SNRNP48: variants seen among roughly 807,000 people sequenced by gnomAD.
SNRNP48 encodes U11/U12 small nuclear ribonucleoprotein 48 kDa protein.
In SNRNP48, 43 loss-of-function variants were observed where a neutral mutation model predicts 47.0. The ratio of observed to expected loss-of-function variants is 0.92; its 90% confidence interval spans 0.72 to 1.18. SNRNP48 has a LOEUF of 1.18. Among genes scored for constraint, SNRNP48 ranks in the 50% most tolerant of loss-of-function variants. The pLI is 0.00. For missense variants in SNRNP48, 396 were observed against 422.2 expected (o/e 0.94, Z 0.54); for synonymous variants, 138 against 144.0 (o/e 0.96, Z 0.30).
intron 4 of SNRNP48, among the ~76,000 whole-genome samples, chr6:7,597,050 A>T (rs1033879578): frequency 1.3e-5 from 2 of 152,184 alleles, no homozygotes; most frequent in Admixed American, 1.3e-4. Context: ...TTTATTTTTT[A>T]AAAGGTTATT....
chr6:7,601,586 T>C, intron 5 of SNRNP48, 62 bp downstream of exon 5: 1 of 1,393,944 alleles, frequency 7.2e-7, no homozygotes, highest in Non-Finnish European at 9.4e-7. Flanking sequence ...TGAGTGTTAT[T>C]AAGATGATTT....
Position 7,595,120 on chromosome 6 carries a change from T to C in SNRNP48, c.406+19T>C. The C allele has an allele frequency of 6.5e-7, 1 of 1,533,636 alleles. No homozygotes were observed. The highest frequency in any genetic ancestry group is 1.2e-5 in the South Asian group (1 of 80,700). On this transcript the variant is annotated intron_variant, in intron 4 of 8. Transcript: ENST00000342415. The stretch of plus-strand genomic sequence containing the variant: ...AATCAAAGTAAGTGGCATTACAGTT[T>C]AAGTGAATTAAAGAATGAAATTATT...
Position 7,590,429 on chromosome 6 carries a change from G to C in SNRNP48, c.156+16G>C. 7.8e-7 allele frequency: 1 copy of C among 1,282,524 alleles called. No homozygotes were observed. 79.4% of individuals were successfully genotyped at this position (1,282,524 alleles called of 1,614,324 possible). A position where few individuals can be genotyped will look rare whatever the true frequency, so the allele number is the denominator to read the frequency against. On this transcript the variant is annotated intron_variant, in intron 1 of 8. Transcript: ENST00000342415. ...GGCGGCGGAGGTGAGGAGCGCGGCC[G>C]CGGGGCCCTTTCGGGGACTATCGGC...
At chr6:7,604,209 G>A (rs1209573704) in intron 6 of SNRNP48, among the ~76,000 whole-genome samples, 5 of 152,212 alleles carry the variant, frequency 3.3e-5, no homozygotes, top group African/African-American at 9.6e-5. Flanking sequence ...AGGGAAGTGC[G>A]AGAGCTGGAA....
intron 5 of SNRNP48, 21 bp from the exon 6 acceptor site, chr6:7,602,602 T>A: frequency 6.5e-7 from 1 of 1,545,316 alleles, no homozygotes; most frequent in South Asian, 1.2e-5. Context: ...ATATAATACT[T>A]TTATTTTATT....
chr6:7,602,051 G>T (rs1203773151), intron 5 of SNRNP48, among the ~76,000 whole-genome samples: 1 of 151,984 alleles, frequency 6.6e-6, no homozygotes, highest in Admixed American at 6.6e-5. Flanking sequence ...ATGGGGTTTT[G>T]CTACGCTGGC....
chr6:7,595,564 A>G (rs1164345418), intron 4 of SNRNP48, among the ~76,000 whole-genome samples: 2 of 152,182 alleles, frequency 1.3e-5, no homozygotes, highest in African/African-American at 4.8e-5. Flanking sequence ...TCAGTTTATG[A>G]TGGGTTTATC....
chr6:7,602,972 T>C (rs1317663817), intron 6 of SNRNP48, among the ~76,000 whole-genome samples: 35 of 152,214 alleles, frequency 2.3e-4, no homozygotes, highest in Admixed American at 2.3e-3. Flanking sequence ...AGATATCTCC[T>C]TGTGAGAAAG....
At chr6:7,590,456 CG>C (rs1561709630) in intron 1 of SNRNP48, 43 bp downstream of exon 1, 3 of 1,267,886 alleles carry the variant, frequency 2.4e-6, no homozygotes, top group Non-Finnish European at 3.0e-6. Context: ...ACTATCGGCC[CG>C]GGGTCTTCTC....
chr6:7,591,392 G>C (rs1362426324), intron 1 of SNRNP48, among the ~76,000 whole-genome samples: 1 of 151,936 alleles, frequency 6.6e-6, no homozygotes, highest in Non-Finnish European at 1.5e-5. Flanking sequence ...TCCAATGTGG[G>C]GTAATTCATT....
Position 7,609,033 on chromosome 6 carries a change from T to TA in SNRNP48, c.*161dup, listed in dbSNP as rs1483833381. 2.7e-6 allele frequency: 1 copy of TA among 368,888 alleles called. No homozygotes were observed. Among genetic ancestry groups the TA allele is most frequent in the Non-Finnish European group, 5.0e-6 (1 of 200,522 alleles). The allele number at this position is 368,888 out of a possible 1,614,324, so 22.9% of individuals were successfully genotyped here. On this transcript the variant is annotated 3_prime_UTR_variant, in exon 9 of 9. Transcript: ENST00000342415. ...TTAGTGCTTATTATTTTCCAGTAAA[T>TA]ATGCTTCAAACCATGAGTACACTAT...
Position 7,609,514 on chromosome 6 carries a change from A to G in SNRNP48, c.*641A>G, listed in dbSNP as rs2113725994. The G allele has an allele frequency of 6.6e-6, 1 of 152,338 alleles. No homozygotes were observed. Among genetic ancestry groups the G allele is most frequent in the African/African-American group, 2.4e-5 (1 of 41,588 alleles). 9.4% of individuals were successfully genotyped at this position (152,338 alleles called of 1,614,324 possible). On this transcript the variant is annotated 3_prime_UTR_variant, in exon 9 of 9. Coordinates refer to ENST00000342415, the MANE Select transcript of SNRNP48 (RefSeq NM_152551.4). ...ACAAATTATATATATGTACAAAACA[A>G]TACTATGCATTCTCTATGGCTATAT... is the stretch of plus-strand genomic sequence containing the variant.
chr6:7,604,516 G>A (rs1338743157), intron 6 of SNRNP48, among the ~76,000 whole-genome samples: 3 of 152,176 alleles, frequency 2.0e-5, no homozygotes, highest in South Asian at 2.1e-4. Flanking sequence ...GATATTGTTC[G>A]ATTTTACTTT....
chr6:7,591,008 G>A (rs1001154598), intron 1 of SNRNP48, among the ~76,000 whole-genome samples: 1 of 152,210 alleles, frequency 6.6e-6, no homozygotes, highest in African/African-American at 2.4e-5. Flanking sequence ...CCAGGAAGGT[G>A]TGTTGAGTGA....
chr6:7,606,398 G>A (rs578174555), intron 8 of SNRNP48, among the ~76,000 whole-genome samples: 7 of 152,310 alleles, frequency 4.6e-5, no homozygotes, highest in Non-Finnish European at 4.4e-5. Context: ...CTCTACATGC[G>A]TGATTGGATG....
At position 7,606,023 on chromosome 6, in the gene SNRNP48, T is replaced by C. The variant is rs1252636639; in HGVS notation, c.807-8T>C. 1.9e-6 allele frequency: 3 copies of C among 1,590,742 alleles called. No individual in the cohort carries two copies. In the African/African-American group the frequency reaches 4.1e-5, roughly 22 times the overall value. On this transcript the variant is annotated splice_polypyrimidine_tract_variant and splice_region_variant and intron_variant, in intron 7 of 8. Coordinates refer to ENST00000342415, the MANE Select transcript of SNRNP48 (RefSeq NM_152551.4). Reference sequence around the variant, plus strand: ...ACAAACTGATTAACATTCTTTTCTGTGTTTTAGGAATGAAGAAAGGCGATC... The same window carrying C: ...ACAAACTGATTAACATTCTTTTCTGCGTTTTAGGAATGAAGAAAGGCGATC...
intron 3 of SNRNP48, among the ~76,000 whole-genome samples, chr6:7,594,393 G>A (rs891771916): frequency 6.6e-6 from 1 of 152,152 alleles, no homozygotes; most frequent in Non-Finnish European, 1.5e-5. Flanking sequence ...GTATAGTAGA[G>A]CAGACACCTT....
At chr6:7,598,368 G>T (rs894256084) in intron 4 of SNRNP48, among the ~76,000 whole-genome samples, 12 of 151,914 alleles carry the variant, frequency 7.9e-5, no homozygotes, top group Non-Finnish European at 1.3e-4. Flanking sequence ...TATGGTGCGT[G>T]CCTGTAATCC....
At chr6:7,593,953 C>A in intron 2 of SNRNP48, 106 bp downstream of exon 2, 3 of 1,015,754 alleles carry the variant, frequency 3.0e-6, no homozygotes, top group East Asian at 5.4e-5. Flanking sequence ...AAAATAATAG[C>A]CCTTACTTGA....
Sources: allele counts gnomAD v4.1 joint callset (sites outside exome capture counted in the v4.1 genomes callset), GRCh38; gene constraint gnomAD v4.1.1; transcripts MANE v1.5; gene names NCBI Gene and HGNC (gene_info 2026-07-23, HGNC 2026-07-21).